SDK1: variants seen among roughly 807,000 people sequenced by gnomAD.
SDK1 encodes protein sidekick-1.
Under a neutral mutation model 245.5 loss-of-function variants are expected in SDK1, and 157 were observed. That is an observed-to-expected ratio of 0.64 (90% confidence interval 0.56 to 0.73). The LOEUF is 0.73. Ranked by LOEUF, SDK1 falls within the 30% of genes least tolerant of loss-of-function variation. SDK1 has a pLI of 0.00. For missense variants in SDK1, 3,583 were observed against 3,002.3 expected (o/e 1.19, Z -4.52); for synonymous variants, 1,647 against 1,278.5 (o/e 1.29, Z -6.15).
chr7:4,228,808 G>A (rs879870293), intron 40 of SDK1, among the ~76,000 whole-genome samples: 3 of 152,294 alleles, frequency 2.0e-5, no homozygotes, highest in Admixed American at 2.0e-4. Flanking sequence ...AAAGTGCTGA[G>A]ATTACAGGCG....
chr7:4,123,763 C>G (rs146494975), intron 25 of SDK1, among the ~76,000 whole-genome samples: 158 of 152,280 alleles, frequency 1.0e-3, no homozygotes, highest in African/African-American at 3.5e-3. Flanking sequence ...TTTATAGTGA[C>G]AGGCATCACT....
At chr7:3,962,000 CAT>C (rs1363118287) in intron 8 of SDK1, among the ~76,000 whole-genome samples, 9 of 151,374 alleles carry the variant, frequency 5.9e-5, no homozygotes, top group South Asian at 2.1e-4. Flanking sequence ...AACACACACA[CAT>C]ACACACATGT....
chr7:3,376,850 CTTTCTTTTT>C (rs1345755107), intron 1 of SDK1, among the ~76,000 whole-genome samples: 1 of 152,018 alleles, frequency 6.6e-6, no homozygotes, highest in Non-Finnish European at 1.5e-5. Context: ...TTTTTCTTTT[CTTTCTTTTT>C]TTCCTCTATT....
intron 1 of SDK1, among the ~76,000 whole-genome samples, chr7:3,427,521 CAAAA>C (rs57827479): frequency 2.6e-4 from 25 of 96,160 alleles, no homozygotes; most frequent in African/African-American, 5.1e-4. Context: ...CTCCATCTCC[CAAAA>C]AAAAAAAAAA....
intron 5 of SDK1, among the ~76,000 whole-genome samples, chr7:3,827,417 G>T (rs1396278257): frequency 6.6e-6 from 1 of 152,128 alleles, no homozygotes; most frequent in Non-Finnish European, 1.5e-5. Context: ...TCTTTAACAT[G>T]GGCAATTATC....
chr7:4,057,284 A>G (rs1583972291), intron 19 of SDK1, among the ~76,000 whole-genome samples: 1 of 152,134 alleles, frequency 6.6e-6, no homozygotes, highest in African/African-American at 2.4e-5. Context: ...TATGAGCAAC[A>G]CTATCCAGGG....
At chr7:3,716,818 T>C (rs1785216485) in intron 4 of SDK1, among the ~76,000 whole-genome samples, 1 of 147,958 alleles carries the variant, frequency 6.8e-6, no homozygotes, top group Admixed American at 6.7e-5. Flanking sequence ...AAAAATCAGA[T>C]AATGTGTTGC....
At chr7:3,702,567 C>T (rs1784769913) in intron 4 of SDK1, among the ~76,000 whole-genome samples, 1 of 152,194 alleles carries the variant, frequency 6.6e-6, no homozygotes. Context: ...TTCATACCTG[C>T]TTCTGGAACA....
At chr7:4,221,768 A>G (rs1015490495) in intron 40 of SDK1, among the ~76,000 whole-genome samples, 1 of 152,174 alleles carries the variant, frequency 6.6e-6, no homozygotes, top group Admixed American at 6.5e-5. Flanking sequence ...TTCTGATAAT[A>G]CGAAGATTCT....
chr7:3,876,125 T>G (rs75371634), intron 5 of SDK1, among the ~76,000 whole-genome samples: 1,697 of 152,268 alleles, frequency 0.011, 70 homozygotes, highest in Admixed American at 0.068. Flanking sequence ...GTCTGCTGTT[T>G]CCCTCCAAAT....
intron 1 of SDK1, among the ~76,000 whole-genome samples, chr7:3,488,418 A>G (rs1167907442): frequency 6.6e-6 from 1 of 151,752 alleles, no homozygotes; most frequent in Admixed American, 6.6e-5. Context: ...TTTTTAAAAC[A>G]TTTCCCTTCT....
In SDK1 at chr7:3,459,872, A is replaced by G. The variant is rs985345805; in HGVS notation, c.298+157988A>G. On this transcript the variant is annotated intron_variant, in intron 1 of 44. Coordinates refer to ENST00000404826, the MANE Select transcript of SDK1 (RefSeq NM_152744.4). ...AGAAAAGGAGAGAGAAATAATGTGT[A>G]GGTAAGAGAAGGTATCTCTCGTGTT... Among the ~76,000 whole-genome samples the G allele has an allele frequency of 3.3e-5, 5 of 152,310 alleles. 1 individual carries two copies.
chr7:3,813,672 C>G lies in SDK1; in HGVS notation c.714-7778C>G, dbSNP rs571980474. The stretch of plus-strand genomic sequence containing the variant: ...AAATGGTATTTCTAGTTCTAGATCC[C>G]CGAGGAATCGCCACACTGACTTCCA... On this transcript the variant is annotated intron_variant, in intron 4 of 44. Transcript: ENST00000404826. 5.3e-3 allele frequency among the ~76,000 whole-genome samples: 736 copies of G among 138,288 alleles called. 34 individuals carry two copies. The highest frequency in any genetic ancestry group is 0.017 in the African/African-American group (577 of 34,386). The allele number at this position is 138,288 out of a possible 152,430, so 90.7% of individuals were successfully genotyped here. A position where few individuals can be genotyped will look rare whatever the true frequency, so the allele number is the denominator to read the frequency against.
intron 14 of SDK1, among the ~76,000 whole-genome samples, chr7:4,006,089 C>T (rs752207319): frequency 2.0e-5 from 3 of 152,146 alleles, no homozygotes; most frequent in African/African-American, 7.2e-5. Flanking sequence ...AAAAAAATAC[C>T]TTCTTTCAAA....
At chr7:3,504,535 G>A (rs576146661) in intron 1 of SDK1, among the ~76,000 whole-genome samples, 1 of 152,100 alleles carries the variant, frequency 6.6e-6, no homozygotes, top group African/African-American at 2.4e-5. Flanking sequence ...TTTTCCAGAA[G>A]AATGCTATTA....
chr7:3,485,661 C>A (rs1379178975), intron 1 of SDK1, among the ~76,000 whole-genome samples: 1 of 91,320 alleles, frequency 1.1e-5, no homozygotes, highest in Non-Finnish European at 2.2e-5. Flanking sequence ...GATGTTTGTG[C>A]TGAGGGGATG....
At chr7:3,831,178 G>A (rs768721) in intron 5 of SDK1, among the ~76,000 whole-genome samples, 23,463 of 152,208 alleles carry the variant, frequency 0.15, 1,923 homozygotes, top group Middle Eastern at 0.31. Flanking sequence ...TAAGCAAAGT[G>A]ATGGTTATTG....
chr7:3,438,869 T>G (rs1451857907), intron 1 of SDK1, among the ~76,000 whole-genome samples: 1 of 137,170 alleles, frequency 7.3e-6, no homozygotes, highest in Non-Finnish European at 1.6e-5. Flanking sequence ...TTTTTTTTTT[T>G]GAGATGGAGT....
intron 32 of SDK1, among the ~76,000 whole-genome samples, chr7:4,166,229 C>T (rs1781493168): frequency 6.6e-6 from 1 of 152,264 alleles, no homozygotes; most frequent in Admixed American, 6.5e-5. Flanking sequence ...AGGCATCCCG[C>T]CGCTTCAGAA....
Sources: gnomAD v4.1 joint callset for allele counts (sites outside exome capture counted in the v4.1 genomes callset) on GRCh38, gnomAD v4.1.1 for gene constraint, MANE v1.5 for transcripts, NCBI Gene and HGNC (gene_info 2026-07-23, HGNC 2026-07-21) for gene names.